The following HSPA12A variants were observed in gnomAD, a reference collection of about 807,000 sequenced individuals.
The protein encoded by HSPA12A is heat shock protein family A (Hsp70) member 12A.
Under a neutral mutation model 69.2 loss-of-function variants are expected in HSPA12A, and 28 were observed. That is an observed-to-expected ratio of 0.40 (90% confidence interval 0.30 to 0.55). The LOEUF is 0.55. Among genes scored for constraint, HSPA12A ranks in the 20% least tolerant of loss-of-function variants. The probability of loss-of-function intolerance (pLI) is 0.38; values close to 1 mark genes in which losing one functional copy is unlikely to be tolerated. For synonymous variants in HSPA12A, 345 were observed against 370.5 expected (o/e 0.93, Z 0.79); for missense variants, 686 against 900.7 (o/e 0.76, Z 3.05).
intron 8 of HSPA12A, among the ~76,000 whole-genome samples, 154 bp from the exon 9 acceptor site, chr10:116,681,410 T>A (rs1277902468): frequency 6.6e-6 from 1 of 152,228 alleles, no homozygotes; most frequent in African/African-American, 2.4e-5. Context: ...GAGTTAACCA[T>A]GACCAAAGAG....
At chr10:116,795,352 T>C (rs1018699889) in intron 2 of HSPA12A, among the ~76,000 whole-genome samples, 52 of 152,256 alleles carry the variant, frequency 3.4e-4, no homozygotes, top group African/African-American at 1.2e-3. Context: ...AGTTTTACAT[T>C]TATAGTAGTA....
rs77596437 is a variant in HSPA12A, at chr10:116,814,047, T to A, written c.91+20888A>T. Among the ~76,000 whole-genome samples, 1,517 of 152,148 alleles carry A rather than the reference T, an allele frequency of 1.0e-2. 20 individuals carry two copies. Among genetic ancestry groups the A allele is most frequent in the African/African-American group, 0.031 (1,305 of 41,498 alleles). ...AAGAAGGACTTTTCAAAAGCTATCA[T>A]AGGAATGTTCAAGAAAACAGAGGAA... On this transcript the variant is annotated intron_variant, in intron 2 of 12. Coordinates refer to the HSPA12A transcript ENST00000635765.
intron 2 of HSPA12A, among the ~76,000 whole-genome samples, chr10:116,769,796 T>C (rs1844158868): frequency 6.6e-6 from 1 of 152,160 alleles, no homozygotes; most frequent in Non-Finnish European, 1.5e-5. Flanking sequence ...ACAAAACCCT[T>C]CTGAAGCCCC....
chr10:116,703,796 G>A lies in HSPA12A; in HGVS notation c.254+1355C>T, dbSNP rs1046398119. 7.2e-5 allele frequency among the ~76,000 whole-genome samples: 11 copies of A among 152,202 alleles called. No individual in the cohort carries two copies. The South Asian group carries it at 8.3e-4, about 11-fold the overall frequency. On this transcript the variant is annotated intron_variant, in intron 3 of 11. Coordinates refer to ENST00000369209, the MANE Select transcript of HSPA12A (RefSeq NM_025015.3). ...GGGGCCTGCAGGGTGCTGGGTGTGC[G>A]GGGAAGGGAAGGGGGCATCCCAGCA...
chr10:116,749,477 G>T (rs1283092135), intron 2 of HSPA12A, among the ~76,000 whole-genome samples: 2 of 152,226 alleles, frequency 1.3e-5, no homozygotes, highest in African/African-American at 4.8e-5. Flanking sequence ...TAAGAAGAAA[G>T]TGGCAGAGGA....
At chr10:116,809,134 G>A (rs1358841575) in intron 2 of HSPA12A, among the ~76,000 whole-genome samples, 3 of 152,198 alleles carry the variant, frequency 2.0e-5, no homozygotes, top group Non-Finnish European at 4.4e-5. Context: ...AAGGGCTTAA[G>A]TGGGGACTCA....
intron 2 of HSPA12A, among the ~76,000 whole-genome samples, chr10:116,763,874 G>A (rs782253554): frequency 9.2e-5 from 14 of 152,148 alleles, no homozygotes; most frequent in Non-Finnish European, 1.6e-4. Context: ...TGGAAGCTGG[G>A]GCACAGCAGG....
chr10:116,766,618 G>T (rs1426827758), intron 2 of HSPA12A, among the ~76,000 whole-genome samples: 3 of 152,190 alleles, frequency 2.0e-5, no homozygotes, highest in African/African-American at 7.2e-5. Context: ...TAACTGCCTG[G>T]AAATGACATT....
At chr10:116,779,077 C>T (rs1187634270) in intron 2 of HSPA12A, among the ~76,000 whole-genome samples, 2 of 152,216 alleles carry the variant, frequency 1.3e-5, no homozygotes, top group South Asian at 4.1e-4. Context: ...AACAAAACAT[C>T]CTTCTTTGAT....
At chr10:116,718,400 C>T (rs1338494470) in intron 1 of HSPA12A, among the ~76,000 whole-genome samples, 3 of 152,144 alleles carry the variant, frequency 2.0e-5, no homozygotes, top group African/African-American at 7.2e-5. Context: ...AGAGATACAC[C>T]ATCTCCAGGC....
intron 2 of HSPA12A, chr10:116,830,785 T>C (rs1845599270): frequency 7.3e-6 from 1 of 136,738 alleles, no homozygotes; most frequent in African/African-American, 3.7e-5. Flanking sequence ...AAAATAAATG[T>C]ATATATGTAC....
At chr10:116,771,275 C>T (rs1285898973) in intron 2 of HSPA12A, among the ~76,000 whole-genome samples, 1 of 152,228 alleles carries the variant, frequency 6.6e-6, no homozygotes, top group Non-Finnish European at 1.5e-5. Flanking sequence ...AAAACAAGGA[C>T]ACTCGCTGGG....
chr10:116,700,411 G>T (rs1291733196), intron 4 of HSPA12A, among the ~76,000 whole-genome samples: 7 of 152,172 alleles, frequency 4.6e-5, no homozygotes, highest in Admixed American at 3.9e-4. Flanking sequence ...ACCACTCAGG[G>T]AGTTGGACCT....
chr10:116,828,159 A>G (rs1845545509), intron 2 of HSPA12A, among the ~76,000 whole-genome samples: 1 of 152,224 alleles, frequency 6.6e-6, no homozygotes, highest in Non-Finnish European at 1.5e-5. Context: ...AAGAGCTGAA[A>G]TAAGAACTTA....
upstream of HSPA12A, among the ~76,000 whole-genome samples, chr10:116,743,443 C>T (rs186544104): frequency 6.6e-6 from 1 of 152,350 alleles, no homozygotes; most frequent in East Asian, 1.9e-4. Flanking sequence ...TTCCGGGTGC[C>T]TGGCACTGTG....
intron 2 of HSPA12A, among the ~76,000 whole-genome samples, chr10:116,804,529 T>G (rs1304151831): frequency 6.6e-6 from 1 of 151,676 alleles, no homozygotes; most frequent in Non-Finnish European, 1.5e-5. Flanking sequence ...CCCCTTCCTC[T>G]CCCTTTACCC....
intron 2 of HSPA12A, among the ~76,000 whole-genome samples, chr10:116,771,661 G>A (rs76633402): frequency 0.012 from 1,859 of 152,360 alleles, 52 homozygotes; most frequent in African/African-American, 0.043. Context: ...ATGTTTACCA[G>A]GAGCCCAGGG....
At chr10:116,783,758 G>A (rs782800840) in intron 2 of HSPA12A, among the ~76,000 whole-genome samples, 2 of 152,190 alleles carry the variant, frequency 1.3e-5, no homozygotes, top group Non-Finnish European at 2.9e-5. Context: ...CTCTTGCCCA[G>A]GCTGGAGTGC....
intron 1 of HSPA12A, among the ~76,000 whole-genome samples, chr10:116,734,919 G>A (rs541059634): frequency 7.2e-5 from 11 of 152,120 alleles, no homozygotes; most frequent in Non-Finnish European, 1.6e-4. Context: ...ATGAACCCGG[G>A]AGGCGGAGCT....
Sources: allele counts gnomAD v4.1 joint callset (sites outside exome capture counted in the v4.1 genomes callset), GRCh38; gene constraint gnomAD v4.1.1; transcripts MANE v1.5; gene names NCBI Gene and HGNC (gene_info 2026-07-23, HGNC 2026-07-21).